MEF2C: variants seen among roughly 807,000 people sequenced by gnomAD.
MEF2C encodes myocyte-specific enhancer factor 2C.
Under a neutral mutation model 50.5 loss-of-function variants are expected in MEF2C, and 6 were observed. The observed-to-expected ratio is 0.12, with a 90% CI of 0.07 to 0.23. MEF2C has a LOEUF of 0.23. Ranked by LOEUF, MEF2C falls within the 10% of genes least tolerant of loss-of-function variation. The pLI, the probability that MEF2C is intolerant of heterozygous loss-of-function variation, is 1.00. For missense variants in MEF2C, 276 were observed against 605.0 expected (o/e 0.46, Z 5.70); for synonymous variants, 183 against 228.0 (o/e 0.80, Z 1.78).
chr5:88,759,161 A>G, intron 4 of MEF2C, among the ~76,000 whole-genome samples: 1 of 152,232 alleles, frequency 6.6e-6, no homozygotes, highest in East Asian at 1.9e-4. Context: ...TTATATAGCA[A>G]GATAAACTCA....
At chr5:88,828,673 T>A (rs1019176277) in intron 1 of MEF2C, among the ~76,000 whole-genome samples, 2 of 152,042 alleles carry the variant, frequency 1.3e-5, no homozygotes, top group East Asian at 1.9e-4. Context: ...TTGCTCAATA[T>A]GTTACATCTA....
intron 1 of MEF2C, among the ~76,000 whole-genome samples, chr5:88,863,315 G>GA (rs573328774): frequency 1.6e-4 from 24 of 152,294 alleles, no homozygotes; most frequent in African/African-American, 5.8e-4. Context: ...TATCCCTAAT[G>GA]AAACACTCCC....
chr5:88,785,160 G>A (rs938195807), intron 3 of MEF2C, among the ~76,000 whole-genome samples: 2 of 151,836 alleles, frequency 1.3e-5, no homozygotes, highest in Non-Finnish European at 2.9e-5. Context: ...GCTCAGACTC[G>A]TATAACCCTA....
chr5:88,738,194 G>A (rs1764922344), intron 6 of MEF2C: 2 of 985,170 alleles, frequency 2.0e-6, no homozygotes, highest in South Asian at 9.4e-5. Flanking sequence ...TTTCCCTAGT[G>A]TGAGAGAAGC....
chr5:88,848,716 ATTC>A (rs767120211), intron 1 of MEF2C, among the ~76,000 whole-genome samples: 10 of 152,212 alleles, frequency 6.6e-5, no homozygotes, highest in Non-Finnish European at 1.5e-4. Context: ...TGCCTATGTC[ATTC>A]TTCTCTGTGA....
intron 3 of MEF2C, among the ~76,000 whole-genome samples, chr5:88,789,950 A>G (rs1223659886): frequency 6.6e-6 from 1 of 152,224 alleles, no homozygotes; most frequent in East Asian, 1.9e-4. Context: ...GAAAATAATG[A>G]AAAAGTTATG....
At chr5:88,794,813 T>A (rs1175312866) in intron 3 of MEF2C, among the ~76,000 whole-genome samples, 2 of 152,220 alleles carry the variant, frequency 1.3e-5, no homozygotes, top group African/African-American at 2.4e-5. Flanking sequence ...ACAGTTATTT[T>A]TTTGTATAAG....
At chr5:88,853,449 G>A (rs1344461563) in intron 1 of MEF2C, among the ~76,000 whole-genome samples, 1 of 152,130 alleles carries the variant, frequency 6.6e-6, no homozygotes, top group African/African-American at 2.4e-5. Context: ...TTAGTAAGTT[G>A]AAACAGTATA....
chr5:88,756,249 T>C (rs1292832922), intron 4 of MEF2C, among the ~76,000 whole-genome samples: 2 of 152,198 alleles, frequency 1.3e-5, no homozygotes, highest in Non-Finnish European at 2.9e-5. Context: ...AGTGTACCCA[T>C]TACCCAAATA....
chr5:88,776,764 G>C (rs1219677609), intron 3 of MEF2C, among the ~76,000 whole-genome samples: 1 of 152,188 alleles, frequency 6.6e-6, no homozygotes, highest in South Asian at 2.1e-4. Context: ...CTTGCTATGT[G>C]AACTCATCTC....
chr5:88,845,219 A>C (rs1295817445), intron 1 of MEF2C, among the ~76,000 whole-genome samples: 1 of 152,226 alleles, frequency 6.6e-6, no homozygotes, highest in Non-Finnish European at 1.5e-5. Flanking sequence ...TCCCGTGTCA[A>C]TGGTGCCTAT....
intron 3 of MEF2C, among the ~76,000 whole-genome samples, chr5:88,777,809 C>T (rs1580518264): frequency 6.6e-6 from 1 of 151,392 alleles, no homozygotes; most frequent in East Asian, 1.9e-4. Context: ...GAAGGCCCTT[C>T]ACCAATATGT....
At chr5:88,770,372 AT>A (rs900620790) in intron 3 of MEF2C, among the ~76,000 whole-genome samples, 3 of 152,146 alleles carry the variant, frequency 2.0e-5, no homozygotes, top group Non-Finnish European at 4.4e-5. Flanking sequence ...CATTATTTTT[AT>A]TTCCTAGTTG....
At chr5:88,869,260 T>TATATATATATACAC (rs1483897231) in intron 1 of MEF2C, among the ~76,000 whole-genome samples, 71 of 62,116 alleles carry the variant, frequency 1.1e-3, no homozygotes, top group Non-Finnish European at 1.5e-3. Flanking sequence ...TTCATATATA[T>TATATATATATACAC]ATATATATAT....
intron 1 of MEF2C, among the ~76,000 whole-genome samples, chr5:88,856,882 T>C (rs1419204559): frequency 1.3e-5 from 2 of 152,216 alleles, no homozygotes; most frequent in Admixed American, 6.5e-5. Flanking sequence ...AAGGGAAATA[T>C]GTGGTCAGAG....
chr5:88,856,125 G>T (rs1823243598), intron 1 of MEF2C, among the ~76,000 whole-genome samples: 1 of 152,128 alleles, frequency 6.6e-6, no homozygotes, highest in African/African-American at 2.4e-5. Context: ...GTTGGGAACT[G>T]GTGTAAAGGT....
At chr5:88,734,644 T>C (rs555764712) in intron 6 of MEF2C, 9 of 979,854 alleles carry the variant, frequency 9.2e-6, no homozygotes, top group South Asian at 9.5e-5. Context: ...ACAAAGCCTA[T>C]GTCTTTTTGC....
intron 1 of MEF2C, among the ~76,000 whole-genome samples, chr5:88,897,933 C>T (rs1469076056): frequency 2.6e-5 from 4 of 152,178 alleles, no homozygotes; most frequent in African/African-American, 9.7e-5. Context: ...AATCCAGATT[C>T]ATGGGCCCCA....
chr5:88,730,374 A>T, intron 7 of MEF2C, 140 bp from the exon 8 acceptor site: 1 of 878,018 alleles, frequency 1.1e-6, no homozygotes, highest in Non-Finnish European at 1.8e-6. Flanking sequence ...TCCAAAGATA[A>T]CTCCTTACAA....
Sources: gnomAD v4.1 joint callset for allele counts (sites outside exome capture counted in the v4.1 genomes callset) on GRCh38, gnomAD v4.1.1 for gene constraint, MANE v1.5 for transcripts, NCBI Gene and HGNC (gene_info 2026-07-23, HGNC 2026-07-21) for gene names.